Variants in ACKR3 observed in about 807,000 individuals in gnomAD.
The protein encoded by ACKR3 is atypical chemokine receptor 3.
A neutral mutation model predicts 22.4 loss-of-function variants in ACKR3; 6 were observed. That is an observed-to-expected ratio of 0.27 (90% CI 0.15 to 0.53). The LOEUF (loss-of-function observed/expected upper bound fraction) is 0.53. Ranked by LOEUF, ACKR3 falls within the 20% of genes least tolerant of loss-of-function variation. The pLI, the probability that ACKR3 is intolerant of heterozygous loss-of-function variation, is 0.96. For synonymous variants in ACKR3, 209 were observed against 205.2 expected (o/e 1.02, Z -0.16); for missense variants, 396 against 475.2 (o/e 0.83, Z 1.55).
In ACKR3 at chr2:236,580,436, A is replaced by G. The variant is rs768571088; in HGVS notation, c.-26-4A>G. On this transcript the variant is annotated splice_polypyrimidine_tract_variant and splice_region_variant and intron_variant, in intron 1 of 1. Transcript: ENST00000272928. ...TCTTTTTTGTTTGCTTGGTTTTCTC[A>G]TAGGTCATTTGATTGCCCGCCTCAG... 8.2e-6 allele frequency: 13 copies of G among 1,588,088 alleles called. No individual in the cohort carries two copies. The highest frequency in any genetic ancestry group is 4.5e-5 in the East Asian group (2 of 44,338).
upstream of ACKR3, among the ~76,000 whole-genome samples, chr2:236,564,592 G>GTTT (rs532204731): frequency 2.4e-4 from 31 of 129,334 alleles, no homozygotes; most frequent in African/African-American, 8.4e-4. Context: ...TTCCTTCCTA[G>GTTT]TTTTTTTTTT....
the ACKR3 span, among the ~76,000 whole-genome samples, chr2:236,553,623 A>G: frequency 6.6e-6 from 1 of 152,252 alleles, no homozygotes; most frequent in East Asian, 1.9e-4. Context: ...GGAAGCTCCC[A>G]ATTCCCTGGC....
At chr2:236,562,447 A>G in the ACKR3 span, among the ~76,000 whole-genome samples, 175 of 152,234 alleles carry the variant, frequency 1.1e-3, no homozygotes, top group African/African-American at 3.9e-3. Context: ...GTCTCTCATA[A>G]ATAGTCCTGC....
the ACKR3 span, among the ~76,000 whole-genome samples, chr2:236,540,279 T>C: frequency 9.2e-5 from 14 of 152,196 alleles, no homozygotes; most frequent in African/African-American, 3.1e-4. Flanking sequence ...TCTCTGATGA[T>C]AATTCAGTTG....
rs973807431 is a variant in ACKR3 at position 236,580,481 on chromosome 2, T to C, written c.16T>C (p.Phe6Leu). The C allele has an allele frequency of 3.1e-6, 5 of 1,612,248 alleles. No individual in the cohort carries two copies. The highest frequency in any genetic ancestry group is 4.2e-6 in the Non-Finnish European group (5 of 1,178,306). The change falls in exon 2 of 2, where the codon TTC (phenylalanine) becomes CTC (leucine). Residue 6 changes from phenylalanine (F) to leucine (L), a missense_variant. Transcript: ENST00000272928. The stretch of plus-strand genomic sequence containing the variant: ...CCTCAGAACGATGGATCTGCATCTC[T>C]TCGACTACTCAGAGCCAGGGAACTT... Reference protein sequence around the residue: MDLHLFDYSEPGNFSD... With the variant: MDLHLLDYSEPGNFSD...
upstream of ACKR3, among the ~76,000 whole-genome samples, chr2:236,566,977 TCCTTCCTA>T (rs1407213316): frequency 1.3e-5 from 2 of 150,414 alleles, no homozygotes; most frequent in East Asian, 2.1e-4. Flanking sequence ...CTTCTTTCCT[TCCTTCCTA>T]CCTTCCTTCC....
intron 1 of ACKR3, among the ~76,000 whole-genome samples, chr2:236,575,549 CTG>C (rs1334885134): frequency 8.4e-5 from 6 of 71,278 alleles, no homozygotes; most frequent in African/African-American, 3.3e-4. Flanking sequence ...TGGGGTTGTG[CTG>C]TGTGTGTGTG....
chr2:236,571,884 C>A (rs2708177), intron 1 of ACKR3, among the ~76,000 whole-genome samples: 9 of 151,906 alleles, frequency 5.9e-5, no homozygotes, highest in African/African-American at 2.2e-4. Flanking sequence ...GAATCTGGGG[C>A]CAGAAGGCAT....
chr2:236,557,256 A>ATG, the ACKR3 span, among the ~76,000 whole-genome samples: 21,148 of 138,364 alleles, frequency 0.15, 1,636 homozygotes, highest in East Asian at 0.29. Context: ...ATGTGAACGT[A>ATG]TGTGTGTGTG....
Position 236,582,177 on chromosome 2 carries a change from C to G in ACKR3, c.*623C>G, listed in dbSNP as rs958789847. The G allele has an allele frequency of 6.0e-6, 1 of 166,860 alleles. No homozygotes were observed. The highest frequency in any genetic ancestry group is 2.4e-5 in the African/African-American group (1 of 41,492). 10.3% of individuals were successfully genotyped at this position (166,860 alleles called of 1,614,324 possible). On this transcript the variant is annotated 3_prime_UTR_variant, in exon 2 of 2. Coordinates refer to ENST00000272928, the MANE Select transcript of ACKR3 (RefSeq NM_020311.3). Reference sequence around the variant, plus strand: ...TTTTGTACCGGCACGGGATATGGAACGAAAACTGCTTTGTAATGCAGTTTG... The same window carrying G: ...TTTTGTACCGGCACGGGATATGGAAGGAAAACTGCTTTGTAATGCAGTTTG...
At chr2:236,575,053 G>A (rs79567558) in intron 1 of ACKR3, among the ~76,000 whole-genome samples, 5,872 of 152,140 alleles carry the variant, frequency 0.039, 134 homozygotes, top group South Asian at 0.075. Context: ...CAGAGCAAGC[G>A]CTGGGAAAAA....
At chr2:236,575,099 C>G (rs1215250665) in intron 1 of ACKR3, among the ~76,000 whole-genome samples, 2 of 152,074 alleles carry the variant, frequency 1.3e-5, no homozygotes, top group Non-Finnish European at 2.9e-5. Flanking sequence ...TTTTTGTTCT[C>G]CCTTGGGTCT....
At chr2:236,570,501 T>C (rs1007601947) in intron 1 of ACKR3, among the ~76,000 whole-genome samples, 1 of 152,208 alleles carries the variant, frequency 6.6e-6, no homozygotes, top group Non-Finnish European at 1.5e-5. Flanking sequence ...AGTCTGTAAG[T>C]CCGGAAGCTA....
intron 1 of ACKR3, among the ~76,000 whole-genome samples, chr2:236,576,225 T>A (rs559919167): frequency 6.6e-6 from 1 of 152,364 alleles, no homozygotes; most frequent in African/African-American, 2.4e-5. Context: ...CTTCAGGCCC[T>A]GTGGCTATCG....
At chr2:236,567,291 G>C (rs534630837), upstream of ACKR3, among the ~76,000 whole-genome samples, 23 of 152,290 alleles carry the variant, frequency 1.5e-4, 1 homozygote, top group South Asian at 4.4e-3. Flanking sequence ...GAGCCACCGC[G>C]CCCGGCCGGG....
At chr2:236,564,049 C>T (rs952260113), upstream of ACKR3, among the ~76,000 whole-genome samples, 6 of 152,160 alleles carry the variant, frequency 3.9e-5, no homozygotes, top group Non-Finnish European at 7.4e-5. Context: ...GGAATTGGAC[C>T]GAAAGGAAAA....
rs748314078 is a variant in ACKR3, at chr2:236,581,131, C to T, written c.666C>T (p.Ala222=). ...MELVSVVLGF[A]VPFSIIAVFY... The stretch of plus-strand genomic sequence containing the variant: ...TGGTCTCCGTTGTCTTGGGCTTTGC[C>T]GTTCCCTTCTCCATTATCGCTGTCT... The change falls in exon 2 of 2, where the codon GCC becomes GCT. Residue 222 remains alanine (A), a synonymous_variant. Transcript: ENST00000272928. The surrounding 1 kb of genome is among the most constrained non-coding windows in gnomAD (Gnocchi z 4.4). The T allele has an allele frequency of 8.7e-6, 14 of 1,614,108 alleles. No individual in the cohort carries two copies. The highest frequency in any genetic ancestry group is 6.7e-5 in the East Asian group (3 of 44,900).
At chr2:236,578,179 C>T (rs960273331) in intron 1 of ACKR3, among the ~76,000 whole-genome samples, 3 of 152,224 alleles carry the variant, frequency 2.0e-5, no homozygotes, top group African/African-American at 4.8e-5. Flanking sequence ...GCGATAGTAG[C>T]TTCAAGGCAC....
At chr2:236,545,871 T>C in the ACKR3 span, among the ~76,000 whole-genome samples, 1 of 152,202 alleles carries the variant, frequency 6.6e-6, no homozygotes, top group Non-Finnish European at 1.5e-5. This position sits in a 1 kb window ranked among gnomAD's most constrained non-coding sequence, Gnocchi z 5.3. Flanking sequence ...CATTGTTGAA[T>C]TTCACACACC....
Sources: allele counts gnomAD v4.1 joint callset (sites outside exome capture counted in the v4.1 genomes callset), GRCh38; gene constraint gnomAD v4.1.1; non-coding constraint Gnocchi (gnomAD v3.1); transcripts MANE v1.5; gene names NCBI Gene and HGNC (gene_info 2026-07-23, HGNC 2026-07-21).